The following RAVER2 variants were observed in gnomAD, a reference collection of about 807,000 sequenced individuals.
RAVER2 encodes ribonucleoprotein, PTB binding 2.
RAVER2 carries 46 observed loss-of-function variants against 78.1 expected under a neutral mutation model. That is an observed-to-expected ratio of 0.59 (90% CI 0.46 to 0.75). The LOEUF is 0.75. RAVER2 is among the 30% of genes least tolerant of loss of function. RAVER2 has a pLI of 0.00. For synonymous variants in RAVER2, 311 were observed against 313.3 expected (o/e 0.99, Z 0.08); for missense variants, 793 against 837.5 (o/e 0.95, Z 0.66).
rs12756831 is a variant in RAVER2, at chr1:64,755,953, G to A, written c.249+10532G>A. On this transcript the variant is annotated intron_variant, in intron 1 of 11. Transcript: ENST00000294428. ...TTTATTATGTATGTCCTACAAACTA[G>A]GACAACTTCCAACATAACTGCAATG... Among the ~76,000 whole-genome samples, 1,168 of 151,910 alleles carry A rather than the reference G, an allele frequency of 7.7e-3. 8 individuals carry two copies. The highest frequency in any genetic ancestry group is 0.012 in the Non-Finnish European group (832 of 67,932).
At chr1:64,791,236 A>G (rs1652931980) in intron 5 of RAVER2, among the ~76,000 whole-genome samples, 1 of 152,122 alleles carries the variant, frequency 6.6e-6, no homozygotes, top group African/African-American at 2.4e-5. Flanking sequence ...GGGGATCTCT[A>G]CTGAACTTCG....
At chr1:64,761,311 G>A (rs982576378) in intron 1 of RAVER2, among the ~76,000 whole-genome samples, 1 of 152,206 alleles carries the variant, frequency 6.6e-6, no homozygotes, top group Non-Finnish European at 1.5e-5. Flanking sequence ...CATCATATAT[G>A]ATAGGACTGC....
At position 64,807,307 on chromosome 1, in the gene RAVER2, A is replaced by G. The variant is rs773722836; in HGVS notation, c.1513A>G (p.Ser505Gly). The G allele has an allele frequency of 5.0e-6, 8 of 1,614,068 alleles. No individual in the cohort carries two copies. Among genetic ancestry groups the G allele is most frequent in the African/African-American group, 1.3e-5 (1 of 74,946 alleles). Residue 505 changes from serine to glycine, a missense_variant, in exon 9 of 12, where the codon AGT (serine) becomes GGT (glycine). Transcript: ENST00000294428. Reference sequence around the variant, plus strand: ...TGCTGGACAGGCTGGGCCAGGGCACAGTAATACTCAGGAGAAACAGCCAGC... The same window carrying G: ...TGCTGGACAGGCTGGGCCAGGGCACGGTAATACTCAGGAGAAACAGCCAGC...
intron 9 of RAVER2, 43 bp from the exon 10 acceptor site, chr1:64,812,695 G>A: frequency 7.8e-7 from 1 of 1,284,024 alleles, no homozygotes; most frequent in Non-Finnish European, 1.1e-6. Context: ...TTATTTTCGT[G>A]TACCTCTCAT....
chr1:64,829,484 A>G (rs2100907286), intron 11 of RAVER2, among the ~76,000 whole-genome samples: 1 of 152,354 alleles, frequency 6.6e-6, no homozygotes, highest in South Asian at 2.1e-4. Context: ...TGAAGAAGGC[A>G]GCTGGAGAGA....
chr1:64,824,589 A>G (rs1653963798), intron 11 of RAVER2, among the ~76,000 whole-genome samples: 1 of 152,076 alleles, frequency 6.6e-6, no homozygotes, highest in South Asian at 2.1e-4. Flanking sequence ...AAGTACTTTT[A>G]AAAAGTGATT....
intron 7 of RAVER2, 31 bp from the exon 8 acceptor site, chr1:64,804,957 GCCA>G: frequency 6.3e-7 from 1 of 1,594,648 alleles, no homozygotes. Context: ...ATATCTTATG[GCCA>G]TGGGTCTTAC....
exon 12 of RAVER2, chr1:64,833,016 G>A (rs1654211563): frequency 5.8e-6 from 1 of 173,854 alleles, no homozygotes; most frequent in Non-Finnish European, 1.2e-5. Context: ...ACAGCACAGT[G>A]GACATGCCAT....
intron 5 of RAVER2, among the ~76,000 whole-genome samples, chr1:64,794,024 T>A (rs1570561940): frequency 6.6e-6 from 1 of 152,232 alleles, no homozygotes; most frequent in Admixed American, 6.5e-5. Flanking sequence ...CTAGTCTTTA[T>A]GCTTTTATTT....
In RAVER2 at chr1:64,745,491, A is replaced by C; in HGVS notation, c.249+70A>C. 1 of 1,443,226 alleles carries C rather than the reference A, an allele frequency of 6.9e-7. No individual in the cohort carries two copies. The highest frequency in any genetic ancestry group is 1.5e-5 in the African/African-American group (1 of 67,320). 89.4% of individuals were successfully genotyped at this position (1,443,226 alleles called of 1,614,324 possible). On this transcript the variant is annotated intron_variant, in intron 1 of 11. Transcript: ENST00000294428. This position sits in a 1 kb window ranked among gnomAD's most constrained non-coding sequence, Gnocchi z 4.3. ...GGCGGCGCTCCGTGTCCAGGCTGGGATCGGGGGCGCCTCAGAGCGGTCCTG... is the reference window on the plus strand; with the variant it reads ...GGCGGCGCTCCGTGTCCAGGCTGGGCTCGGGGGCGCCTCAGAGCGGTCCTG...
At chr1:64,824,932 C>CAAAAAAAAAAAAAAAAAAAAAAAAAAAAA (rs56179197) in intron 11 of RAVER2, among the ~76,000 whole-genome samples, 11 of 79,392 alleles carry the variant, frequency 1.4e-4, no homozygotes, top group African/African-American at 4.7e-4. Context: ...CCCTGTCTCC[C>CAAAAAAAAAAAAAAAAAAAAAAAAAAAAA]AAAAAAAAAA....
chr1:64,826,190 A>G (rs974001692), intron 11 of RAVER2, among the ~76,000 whole-genome samples: 1 of 152,248 alleles, frequency 6.6e-6, no homozygotes, highest in African/African-American at 2.4e-5. Flanking sequence ...TGTTCTAGGC[A>G]CTAGGGATAT....
intron 4 of RAVER2, among the ~76,000 whole-genome samples, chr1:64,788,444 C>A (rs1389829261): frequency 6.8e-6 from 1 of 147,280 alleles, no homozygotes; most frequent in East Asian, 2.0e-4. Flanking sequence ...TGCACTCCAG[C>A]CTGGGCAACA....
chr1:64,769,452 T>G (rs894546383), intron 2 of RAVER2, among the ~76,000 whole-genome samples: 1 of 152,058 alleles, frequency 6.6e-6, no homozygotes, highest in Non-Finnish European at 1.5e-5. Flanking sequence ...TTTATGCAAT[T>G]ACATTTTGAT....
intron 5 of RAVER2, among the ~76,000 whole-genome samples, chr1:64,789,820 C>T (rs984214927): frequency 6.6e-6 from 1 of 152,108 alleles, no homozygotes; most frequent in African/African-American, 2.4e-5. Flanking sequence ...GGTTAACACA[C>T]TACATTGTTA....
intron 1 of RAVER2, among the ~76,000 whole-genome samples, chr1:64,764,355 A>C (rs1652115687): frequency 6.6e-6 from 1 of 152,048 alleles, no homozygotes; most frequent in Non-Finnish European, 1.5e-5. Flanking sequence ...GAAAAAAAAA[A>C]ACTATTTTCC....
chr1:64,801,605 C>T (rs1653268735), intron 5 of RAVER2, among the ~76,000 whole-genome samples: 1 of 149,290 alleles, frequency 6.7e-6, no homozygotes, highest in Non-Finnish European at 1.5e-5. Context: ...CGCGGTGGCT[C>T]ACGCCTGTAA....
At chr1:64,787,262 T>C (rs932394889) in intron 4 of RAVER2, among the ~76,000 whole-genome samples, 1 of 152,192 alleles carries the variant, frequency 6.6e-6, no homozygotes, top group Non-Finnish European at 1.5e-5. Context: ...GTCTAGCTAT[T>C]TTTCTTTTGA....
At chr1:64,812,907 G>T in intron 10 of RAVER2, 58 bp downstream of exon 10, 1 of 1,282,478 alleles carries the variant, frequency 7.8e-7, no homozygotes, top group Non-Finnish European at 1.1e-6. Flanking sequence ...TTCATAATAA[G>T]TTTTACTTTA....
Sources: gnomAD v4.1 joint callset for allele counts (sites outside exome capture counted in the v4.1 genomes callset) on GRCh38, gnomAD v4.1.1 for gene constraint, Gnocchi (gnomAD v3.1) non-coding constraint, MANE v1.5 for transcripts, NCBI Gene and HGNC (gene_info 2026-07-23, HGNC 2026-07-21) for gene names.